The following PPP2R2C variants were observed in gnomAD, a reference collection of about 807,000 sequenced individuals.
PPP2R2C encodes the protein protein phosphatase 2 regulatory subunit Bgamma.
Under a neutral mutation model 45.3 loss-of-function variants are expected in PPP2R2C, and 10 were observed. That is an observed-to-expected ratio of 0.22 (90% confidence interval 0.14 to 0.37). The LOEUF (loss-of-function observed/expected upper bound fraction) is 0.37. PPP2R2C is among the 10% of genes least tolerant of loss of function. The pLI, the probability that PPP2R2C is intolerant of heterozygous loss-of-function variation, is 1.00. For missense variants in PPP2R2C, 308 were observed against 619.7 expected, an observed-to-expected ratio of 0.50 and a Z score of 5.34; for synonymous variants, 257 against 245.4, an observed-to-expected ratio of 1.05 and a Z score of -0.44.
At chr4:6,351,124 C>A (rs1343609908) in intron 5 of PPP2R2C, 1 of 696,076 alleles carries the variant, frequency 1.4e-6, no homozygotes, top group Non-Finnish European at 1.8e-6. Context: ...GACCAACATA[C>A]CAAAACCCCG....
chr4:6,382,473 A>C (rs372830995), intron 1 of PPP2R2C: 1 of 1,352,000 alleles, frequency 7.4e-7, no homozygotes, highest in South Asian at 1.1e-5. Flanking sequence ...GAGCCAGTGC[A>C]TCCCTGTGTC....
chr4:6,523,582 T>C (rs1724094425), intron 2 of PPP2R2C: 1 of 152,096 alleles, frequency 6.6e-6, no homozygotes, highest in Admixed American at 6.5e-5. Flanking sequence ...GTGTTGGCTG[T>C]TGGGAGAGAC....
rs556033857 is a variant in PPP2R2C at position 6,534,151 on chromosome 4, T to C, written c.49+1120A>G. 2.8e-3 allele frequency among the ~76,000 whole-genome samples: 374 copies of C among 132,436 alleles called. 1 individual carries two copies. The highest frequency in any genetic ancestry group is 4.7e-3 in the Non-Finnish European group (288 of 61,770). The allele number at this position is 132,436 out of a possible 152,430, so 86.9% of individuals were successfully genotyped here. On this transcript the variant is annotated intron_variant, in intron 2 of 9. Transcript: ENST00000506140. Reference sequence around the variant, plus strand: ...ACATACACTAACACACACACCAACATACACACACCAACACACACACATCAA... The same window carrying C: ...ACATACACTAACACACACACCAACACACACACACCAACACACACACATCAA...
intron 1 of PPP2R2C, among the ~76,000 whole-genome samples, chr4:6,411,342 G>A (rs1011936972): frequency 6.6e-6 from 1 of 152,074 alleles, no homozygotes; most frequent in African/African-American, 2.4e-5. Context: ...GCCTCACAGG[G>A]CTGGAATGAA....
At chr4:6,360,371 C>T (rs1713618568) in intron 5 of PPP2R2C, among the ~76,000 whole-genome samples, 1 of 152,240 alleles carries the variant, frequency 6.6e-6, no homozygotes, top group African/African-American at 2.4e-5. Context: ...CTTGTGTCCT[C>T]AGCAAGGGGG....
At chr4:6,488,221 T>C (rs1390024744) in intron 2 of PPP2R2C, among the ~76,000 whole-genome samples, 2 of 152,256 alleles carry the variant, frequency 1.3e-5, no homozygotes, top group Non-Finnish European at 2.9e-5. Flanking sequence ...TCTTAACTGA[T>C]TGACTTTTCC....
At chr4:6,509,974 C>T (rs935027448) in intron 2 of PPP2R2C, among the ~76,000 whole-genome samples, 2 of 152,190 alleles carry the variant, frequency 1.3e-5, no homozygotes, top group African/African-American at 4.8e-5. Flanking sequence ...GTCATTTCCA[C>T]AAGTGTCCCA....
chr4:6,529,155 T>C (rs1724313049), intron 2 of PPP2R2C, among the ~76,000 whole-genome samples: 1 of 152,196 alleles, frequency 6.6e-6, no homozygotes, highest in South Asian at 2.1e-4. Flanking sequence ...TGCTGGGCCG[T>C]AGGCCTGAAC....
chr4:6,380,588 G>A (rs1030815920), intron 2 of PPP2R2C, among the ~76,000 whole-genome samples: 8 of 152,168 alleles, frequency 5.3e-5, no homozygotes, highest in Non-Finnish European at 1.0e-4. Context: ...ACAAGCTGGG[G>A]CAGCAGCTGC....
chr4:6,519,226 C>T (rs1212250630), intron 2 of PPP2R2C, among the ~76,000 whole-genome samples: 1 of 152,172 alleles, frequency 6.6e-6, no homozygotes, highest in African/African-American at 2.4e-5. Context: ...GACCAAGTTT[C>T]TAGGAGCCTT....
chr4:6,553,161 G>A (rs1436368990), intron 1 of PPP2R2C, among the ~76,000 whole-genome samples: 1 of 152,246 alleles, frequency 6.6e-6, no homozygotes, highest in Non-Finnish European at 1.5e-5. Context: ...TGACCATGGA[G>A]AGCACAGCCG....
intron 1 of PPP2R2C, among the ~76,000 whole-genome samples, chr4:6,390,656 G>A (rs1422084335): frequency 6.6e-6 from 1 of 152,200 alleles, no homozygotes; most frequent in East Asian, 1.9e-4. Flanking sequence ...CTCCAAGGGC[G>A]ATCAGAAAGA....
intron 6 of PPP2R2C, among the ~76,000 whole-genome samples, chr4:6,334,891 A>G (rs59851925): frequency 0.011 from 1,728 of 152,190 alleles, 44 homozygotes; most frequent in African/African-American, 0.04. Context: ...CCTCTCAGCC[A>G]CAAGGGCTCG....
chr4:6,524,410 G>C (rs1208163502), intron 2 of PPP2R2C, among the ~76,000 whole-genome samples: 9 of 152,248 alleles, frequency 5.9e-5, no homozygotes, highest in Admixed American at 4.6e-4. Flanking sequence ...GAATGGGAGT[G>C]ACTGCTTACT....
chr4:6,544,649 C>G (rs1395548078), intron 1 of PPP2R2C, among the ~76,000 whole-genome samples: 1 of 152,178 alleles, frequency 6.6e-6, no homozygotes, highest in African/African-American at 2.4e-5. Context: ...AAAAGCATTC[C>G]TAAATTGTAT....
In PPP2R2C at chr4:6,372,121, A is replaced by G. The variant is rs115463076; in HGVS notation, c.625+402T>C. 2.9e-3 allele frequency among the ~76,000 whole-genome samples: 445 copies of G among 152,332 alleles called. 1 individual carries two copies. The highest frequency in any genetic ancestry group is 0.01 in the African/African-American group (431 of 41,586). ...CCGGGGCCCCAGTGCTGGTCCTCCT[A>G]TGCTAACACAGCCTGCCTTGGGTCC... is the stretch of plus-strand genomic sequence containing the variant. On this transcript the variant is annotated intron_variant, in intron 5 of 8. Transcript: ENST00000382599.
chr4:6,507,571 CTTGGA>C (rs1469877358), intron 2 of PPP2R2C, among the ~76,000 whole-genome samples: 1 of 152,252 alleles, frequency 6.6e-6, no homozygotes, highest in African/African-American at 2.4e-5. Flanking sequence ...GCTGAGGCAC[CTTGGA>C]TGACCCAGGC....
chr4:6,335,587 A>T (rs1470188699), intron 6 of PPP2R2C, among the ~76,000 whole-genome samples: 2 of 151,994 alleles, frequency 1.3e-5, no homozygotes, highest in Admixed American at 6.5e-5. Context: ...GACAGGGAGG[A>T]TGAAATCTGA....
chr4:6,549,499 CT>C (rs368384410), intron 1 of PPP2R2C, among the ~76,000 whole-genome samples: 13 of 152,352 alleles, frequency 8.5e-5, no homozygotes, highest in African/African-American at 3.1e-4. Context: ...AGGTGAGGCC[CT>C]CAGGAGTGAA....
Sources: allele counts gnomAD v4.1 joint callset (sites outside exome capture counted in the v4.1 genomes callset), GRCh38; gene constraint gnomAD v4.1.1; transcripts MANE v1.5; gene names NCBI Gene and HGNC (gene_info 2026-07-23, HGNC 2026-07-21).